The following TRMT10B variants were observed in gnomAD, a reference collection of about 807,000 sequenced individuals.
TRMT10B encodes tRNA methyltransferase 10 homolog B.
Under a neutral mutation model 43.8 loss-of-function variants are expected in TRMT10B, and 33 were observed. The ratio of observed to expected loss-of-function variants is 0.75; its 90% CI spans 0.57 to 1.01. TRMT10B has a LOEUF of 1.01. Among genes scored for constraint, TRMT10B ranks in the 50% least tolerant of loss-of-function variants. TRMT10B has a pLI of 0.00. For missense variants in TRMT10B, 362 were observed against 369.8 expected (o/e 0.98, Z 0.17); for synonymous variants, 137 against 130.6 (o/e 1.05, Z -0.34).
intron 6 of TRMT10B, among the ~76,000 whole-genome samples, chr9:37,770,286 C>T (rs1827428182): frequency 6.6e-6 from 1 of 152,226 alleles, no homozygotes; most frequent in Non-Finnish European, 1.5e-5. Flanking sequence ...TGTCCTTGGT[C>T]TGCTACCCCA....
chr9:37,777,825 G>T lies in TRMT10B; in HGVS notation c.*118G>T. On this transcript the variant is annotated 3_prime_UTR_variant, in exon 9 of 9. Coordinates refer to ENST00000297994, the MANE Select transcript of TRMT10B (RefSeq NM_144964.4). ...GTTCACGACCAGCCTGGCCAACATG[G>T]TGAAACCCTTCTCTACTGAAAATAC... is the stretch of plus-strand genomic sequence containing the variant. 1 of 732,342 alleles carries T rather than the reference G, an allele frequency of 1.4e-6. No homozygotes were observed. Among genetic ancestry groups the T allele is most frequent in the South Asian group, 1.6e-5 (1 of 60,904 alleles). The allele number at this position is 732,342 out of a possible 1,614,324, so 45.4% of individuals were successfully genotyped here. A position where few individuals can be genotyped will look rare whatever the true frequency, so the allele number is the denominator to read the frequency against.
At chr9:37,776,866 T>G (rs1469140213) in intron 8 of TRMT10B, among the ~76,000 whole-genome samples, 1 of 151,132 alleles carries the variant, frequency 6.6e-6, no homozygotes, top group East Asian at 1.9e-4. Context: ...ACCACTGCAC[T>G]CCAGCCTGGG....
intron 8 of TRMT10B, 147 bp from the exon 9 acceptor site, chr9:37,777,454 T>C: frequency 1.6e-6 from 1 of 609,326 alleles, no homozygotes; most frequent in East Asian, 3.0e-5. Context: ...AAGCAGAGCC[T>C]GTGTCCTTGC....
At chr9:37,770,164 C>A in intron 6 of TRMT10B, 145 bp downstream of exon 6, 1 of 751,272 alleles carries the variant, frequency 1.3e-6, no homozygotes, top group Non-Finnish European at 2.3e-6. Context: ...GCTCCTCTTA[C>A]AGGCAGGGGC....
intron 4 of TRMT10B, 71 bp from the exon 5 acceptor site, chr9:37,768,005 G>C: frequency 6.4e-7 from 1 of 1,572,318 alleles, no homozygotes; most frequent in Non-Finnish European, 8.7e-7. Context: ...ACTTATTGTA[G>C]CCATTTCTTG....
intron 5 of TRMT10B, among the ~76,000 whole-genome samples, chr9:37,769,120 C>T (rs1827275304): frequency 6.6e-6 from 1 of 151,738 alleles, no homozygotes; most frequent in South Asian, 2.1e-4. Flanking sequence ...CTAGCCTTGG[C>T]AATATGGTGA....
In TRMT10B at chr9:37,753,815, T is replaced by TCC. The variant is rs1563978383; in HGVS notation, c.-67_-66insCC. On this transcript the variant is annotated 5_prime_UTR_variant, in exon 1 of 9. An upstream start codon of the reference 5' UTR is lost. Transcript: ENST00000297994. The stretch of plus-strand genomic sequence containing the variant: ...GAGGCCGGGGGCGGGGGGGATCCGA[T>TCC]GCGCGCCGCTGCCGCTGCGTGGGGG... 2.0e-5 allele frequency: 3 copies of TCC among 151,766 alleles called. No individual in the cohort carries two copies. The highest frequency in any genetic ancestry group is 7.3e-5 in the African/African-American group (3 of 41,264). 9.4% of individuals were successfully genotyped at this position (151,766 alleles called of 1,614,324 possible).
chr9:37,754,506 C>T (rs962993310), intron 1 of TRMT10B, among the ~76,000 whole-genome samples: 7 of 152,116 alleles, frequency 4.6e-5, no homozygotes, highest in Admixed American at 2.0e-4. Context: ...GAGAGTACTG[C>T]AGGGTTCTAA....
At chr9:37,762,323 GAAGGGTCAGGA>G (rs1415573165) in intron 2 of TRMT10B, among the ~76,000 whole-genome samples, 2 of 152,196 alleles carry the variant, frequency 1.3e-5, no homozygotes, top group Admixed American at 1.3e-4. Flanking sequence ...ATATACCCCT[GAAGGGTCAGGA>G]AATCTAAACT....
At chr9:37,772,348 CA>C (rs1827682322) in intron 7 of TRMT10B, among the ~76,000 whole-genome samples, 1 of 151,884 alleles carries the variant, frequency 6.6e-6, no homozygotes, top group Non-Finnish European at 1.5e-5. Context: ...GACAGGGTCT[CA>C]CTTTGTTGCC....
Position 37,776,464 on chromosome 9 carries a change from TG to T in TRMT10B, c.844+60del, listed in dbSNP as rs1411598076. The stretch of plus-strand genomic sequence containing the variant: ...GAGTTCTGGTGCTGCTGCTTTGCAC[TG>T]TGTTTAAGTGGCCTTTGAGTCAGTC... On this transcript the variant is annotated intron_variant, in intron 8 of 8. Transcript: ENST00000297994. 4 of 1,521,530 alleles carry T rather than the reference TG, an allele frequency of 2.6e-6. No homozygotes were observed. The African/African-American group carries it at 5.6e-5, about 21-fold the overall frequency. 94.3% of individuals were successfully genotyped at this position (1,521,530 alleles called of 1,614,324 possible).
intron 4 of TRMT10B, among the ~76,000 whole-genome samples, chr9:37,765,891 AG>A (rs1457748299): frequency 6.7e-6 from 1 of 149,866 alleles, no homozygotes; most frequent in Non-Finnish European, 1.5e-5. Flanking sequence ...TCGTCTTTTG[AG>A]AAGTGTCTGT....
intron 7 of TRMT10B, among the ~76,000 whole-genome samples, chr9:37,775,541 A>G (rs1828044757): frequency 6.6e-6 from 1 of 151,944 alleles, no homozygotes. Context: ...CCGCCCTTTT[A>G]TATTTTTGAG....
At chr9:37,753,770 C>G (rs961979409), upstream of TRMT10B, 1 of 152,162 alleles carries the variant, frequency 6.6e-6, no homozygotes, top group African/African-American at 2.4e-5. Flanking sequence ...CCATTCGGAG[C>G]GGAGTTACGA....
At chr9:37,771,007 G>A (rs746605867) in intron 7 of TRMT10B, among the ~76,000 whole-genome samples, 1 of 152,180 alleles carries the variant, frequency 6.6e-6, no homozygotes, top group Non-Finnish European at 1.5e-5. Flanking sequence ...GTTCTGCAAG[G>A]ATAACTCTGA....
In TRMT10B at chr9:37,762,646, G is replaced by GAA. The variant is rs758290674; in HGVS notation, c.260_261dup (p.Glu88LysfsTer23). 1.9e-6 allele frequency: 3 copies of GAA among 1,594,626 alleles called. No individual in the cohort carries two copies. The African/African-American group carries it at 4.0e-5, about 21-fold the overall frequency. ...AGCAAAGAAGAGCAAAAGAAAGCAA[G>GAA]AAAAAGAACGAAGAAAAGCCAATCG... is the stretch of plus-strand genomic sequence containing the variant. On this transcript the variant is annotated frameshift_variant, in exon 3 of 9. Coordinates refer to ENST00000297994, the MANE Select transcript of TRMT10B (RefSeq NM_144964.4). LOFTEE classifies it high-confidence loss of function.
rs199618338 is a variant in TRMT10B at position 37,777,622 on chromosome 9, A to T, written c.866A>T (p.Tyr289Phe). ...INQVFDILST[Y>F]LETHNWPEAL... Reference sequence around the variant, plus strand: ...ACAGTGTTTGATATCCTGTCCACTTACTTAGAGACTCACAACTGGCCTGAA... The same window carrying T: ...ACAGTGTTTGATATCCTGTCCACTTTCTTAGAGACTCACAACTGGCCTGAA... Residue 289 changes from tyrosine to phenylalanine, a missense_variant, in exon 9 of 9, where the codon TAC (tyrosine) becomes TTC (phenylalanine). By Grantham distance (22) the Tyr-to-Phe change is conservative (BLOSUM62 3). Transcript: ENST00000297994. 2.4e-3 allele frequency: 3,821 copies of T among 1,613,658 alleles called. 12 individuals are homozygous for T. The highest frequency in any genetic ancestry group is 2.5e-3 in the Non-Finnish European group (2,973 of 1,179,776).
At chr9:37,766,364 G>C (rs1826988468) in intron 4 of TRMT10B, among the ~76,000 whole-genome samples, 1 of 152,142 alleles carries the variant, frequency 6.6e-6, no homozygotes. Context: ...GTTTTTCTCA[G>C]GTTTGTCAAA....
chr9:37,758,635 G>T lies in TRMT10B; in HGVS notation c.-29-3268G>T, dbSNP rs537182150. Among the ~76,000 whole-genome samples the T allele has an allele frequency of 7.2e-5, 11 of 152,280 alleles. No individual in the cohort carries two copies. The South Asian group carries it at 2.1e-3, about 29-fold the overall frequency. On this transcript the variant is annotated intron_variant, in intron 1 of 8. Transcript: ENST00000297994. ...GTCAGAAATACTATAACTTGAACAA[G>T]AAGTAGAAGTTTTAAAATATTCTTA...
Sources: allele counts gnomAD v4.1 joint callset (sites outside exome capture counted in the v4.1 genomes callset), GRCh38; gene constraint gnomAD v4.1.1; transcripts MANE v1.5; gene names NCBI Gene and HGNC (gene_info 2026-07-23, HGNC 2026-07-21).